Variants in LRBA observed in about 807,000 individuals in gnomAD.
LRBA encodes LPS responsive beige-like anchor protein.
LRBA carries 176 observed loss-of-function variants against 330.0 expected under a neutral mutation model. The observed-to-expected ratio is 0.53, with a 90% CI of 0.47 to 0.60. The LOEUF is 0.60. Ranked by LOEUF, LRBA falls within the 20% of genes least tolerant of loss-of-function variation. LRBA has a pLI of 0.00. For missense variants in LRBA, 3,259 were observed against 3,444.8 expected (o/e 0.95, Z 1.35); for synonymous variants, 1,230 against 1,193.0 (o/e 1.03, Z -0.64).
intron 37 of LRBA, among the ~76,000 whole-genome samples, chr4:150,658,862 CTCAGTCTGCCGAGCGCCGCCACG>C (rs1212001527): frequency 3.2e-5 from 1 of 31,522 alleles, no homozygotes; most frequent in African/African-American, 4.5e-5. Flanking sequence ...ATTCTCCTGC[CTCAGTCTGCCGAGCGCCGCCACG>C]CCTGACTGGT....
In LRBA at chr4:150,485,249, T is replaced by A. The variant is rs115025415; in HGVS notation, c.6551+2483A>T. On this transcript the variant is annotated intron_variant, in intron 42 of 56. Coordinates refer to ENST00000651943, the MANE Select transcript of LRBA (RefSeq NM_001364905.1). The stretch of plus-strand genomic sequence containing the variant: ...CTGTCTATATTTCATTCCACTTCTA[T>A]CCACTTTTGTCTTATGAATTTTGAA... 1.6e-3 allele frequency among the ~76,000 whole-genome samples: 240 copies of A among 152,080 alleles called. 4 individuals carry two copies. Among genetic ancestry groups the A allele is most frequent in the African/African-American group, 5.7e-3 (235 of 41,526 alleles).
chr4:150,621,635 A>G (rs1776301332), intron 37 of LRBA, among the ~76,000 whole-genome samples: 1 of 152,196 alleles, frequency 6.6e-6, no homozygotes, highest in South Asian at 2.1e-4. Context: ...AAGTGCTACC[A>G]TTTTGATATA....
intron 40 of LRBA, among the ~76,000 whole-genome samples, chr4:150,536,484 A>C (rs1457667716): frequency 1.3e-5 from 2 of 152,164 alleles, no homozygotes; most frequent in Non-Finnish European, 2.9e-5. Context: ...TTTGGGGCAC[A>C]AAGGTGGCTT....
intron 2 of LRBA, among the ~76,000 whole-genome samples, chr4:150,980,271 A>G (rs143848129): frequency 2.0e-4 from 30 of 152,316 alleles, no homozygotes; most frequent in African/African-American, 7.0e-4. Flanking sequence ...ACAAAATTCA[A>G]TGTCTCACCG....
At chr4:150,539,990 T>A (rs1765141807) in intron 40 of LRBA, among the ~76,000 whole-genome samples, 1 of 152,242 alleles carries the variant, frequency 6.6e-6, no homozygotes, top group Non-Finnish European at 1.5e-5. Context: ...ATTTTATTTT[T>A]TAATTTTTAT....
intron 35 of LRBA, among the ~76,000 whole-genome samples, chr4:150,741,031 A>C (rs917411183): frequency 1.3e-5 from 2 of 152,156 alleles, no homozygotes; most frequent in Non-Finnish European, 2.9e-5. Flanking sequence ...AATCCTAGAC[A>C]AGACCTAAAG....
chr4:150,644,599 G>T (rs1431323327), intron 37 of LRBA, among the ~76,000 whole-genome samples: 8 of 151,886 alleles, frequency 5.3e-5, no homozygotes, highest in Non-Finnish European at 1.0e-4. Context: ...TAAAGCAAAT[G>T]ATTCCAAATG....
At chr4:150,863,962 A>G (rs2126970366) in intron 22 of LRBA, among the ~76,000 whole-genome samples, 1 of 152,034 alleles carries the variant, frequency 6.6e-6, no homozygotes, top group African/African-American at 2.4e-5. Context: ...ATTTTTTGAG[A>G]CAGAGTCTCG....
Position 150,541,881 on chromosome 4 carries a change from C to T in LRBA, c.6330+46167G>A, listed in dbSNP as rs372596793. On this transcript the variant is annotated intron_variant, in intron 40 of 56. Transcript: ENST00000651943. ...ATTTTTTTTTGTAGAGGCAGTGTCT[C>T]GGTATGTTGCCCAACCTGGTCTTGA... Among the ~76,000 whole-genome samples, 15 of 152,044 alleles carry T rather than the reference C, an allele frequency of 9.9e-5. No individual in the cohort carries two copies. The East Asian group carries it at 1.9e-3, about 20-fold the overall frequency.
chr4:150,982,426 T>C (rs910274011), intron 2 of LRBA, among the ~76,000 whole-genome samples: 5 of 152,150 alleles, frequency 3.3e-5, no homozygotes, highest in African/African-American at 9.7e-5. Context: ...AATTATTTAA[T>C]AGGTGATCAT....
intron 51 of LRBA, chr4:150,311,452 A>G (rs900370840): frequency 6.6e-5 from 10 of 152,316 alleles, no homozygotes; most frequent in African/African-American, 2.2e-4. Context: ...TAACTATATT[A>G]ATGTGGGTAG....
intron 35 of LRBA, among the ~76,000 whole-genome samples, chr4:150,752,447 T>C (rs184078577): frequency 7.2e-5 from 11 of 152,158 alleles, no homozygotes; most frequent in East Asian, 3.9e-4. Context: ...TCAGAAAGAA[T>C]AGATTTTGTT....
intron 37 of LRBA, among the ~76,000 whole-genome samples, chr4:150,618,827 A>G (rs1364211116): frequency 2.1e-5 from 3 of 141,150 alleles, no homozygotes; most frequent in Non-Finnish European, 4.6e-5. Context: ...ATGTATACAT[A>G]TATTATGTAT....
At chr4:150,492,771 G>C (rs573973641) in intron 40 of LRBA, among the ~76,000 whole-genome samples, 1 of 152,110 alleles carries the variant, frequency 6.6e-6, no homozygotes, top group South Asian at 2.1e-4. Flanking sequence ...TTCTTCCTCA[G>C]GGCTTTGTTT....
At chr4:150,310,186 T>C (rs886860632) in intron 52 of LRBA, 43 bp downstream of exon 52, 8 of 1,401,204 alleles carry the variant, frequency 5.7e-6, no homozygotes, top group Non-Finnish European at 8.1e-6. Flanking sequence ...TCAATACTAC[T>C]TATAGTAAAC....
chr4:150,925,676 T>C (rs1451435699), intron 4 of LRBA, among the ~76,000 whole-genome samples: 1 of 152,228 alleles, frequency 6.6e-6, no homozygotes, highest in African/African-American at 2.4e-5. Flanking sequence ...TTTGTGTTCA[T>C]TTGGTTGTGG....
rs567316387 is a variant in LRBA at position 150,835,479 on chromosome 4, G to A, written c.4570-3503C>T. 6.3e-4 allele frequency among the ~76,000 whole-genome samples: 96 copies of A among 152,070 alleles called. 1 individual carries two copies. The highest frequency in any genetic ancestry group is 7.4e-5 in the Non-Finnish European group (5 of 67,996). On this transcript the variant is annotated intron_variant, in intron 28 of 56. Transcript: ENST00000651943. ...ATTTGTTTGTGTCCTCTTTTATTTC[G>A]CTGAGCAGTGATTTGTAGTTCTCCT...
intron 47 of LRBA, 21 bp from the exon 48 acceptor site, chr4:150,350,180 T>C (rs1736946580): frequency 6.7e-7 from 1 of 1,503,202 alleles, no homozygotes. Flanking sequence ...GTATACATTG[T>C]ATTACTATGC....
intron 17 of LRBA, among the ~76,000 whole-genome samples, chr4:150,885,155 A>T (rs751597786): frequency 1.3e-5 from 2 of 151,460 alleles, no homozygotes; most frequent in African/African-American, 4.8e-5. Flanking sequence ...ACCTTTAGAC[A>T]CTGTAGGACA....
Sources: allele counts gnomAD v4.1 joint callset (sites outside exome capture counted in the v4.1 genomes callset), GRCh38; gene constraint gnomAD v4.1.1; transcripts MANE v1.5; gene names NCBI Gene and HGNC (gene_info 2026-07-23, HGNC 2026-07-21).